Variants in ITGAX observed in about 807,000 individuals in gnomAD.
ITGAX encodes integrin alpha-X.
ITGAX carries 99 observed loss-of-function variants against 140.2 expected under a neutral mutation model. That is an observed-to-expected ratio of 0.71 (90% CI 0.60 to 0.83). The LOEUF (loss-of-function observed/expected upper bound fraction) is 0.83. ITGAX is among the 40% of genes least tolerant of loss of function. ITGAX has a pLI of 0.00. For missense variants in ITGAX, 1,444 were observed against 1,482.0 expected (o/e 0.97, Z 0.42); for synonymous variants, 631 against 600.4 (o/e 1.05, Z -0.75).
chr16:31,357,604 G>C (rs2080778091), intron 5 of ITGAX: 1 of 532,600 alleles, frequency 1.9e-6, no homozygotes, highest in Non-Finnish European at 3.3e-6. Flanking sequence ...TGTTGGATGG[G>C]GATAATAACA....
In ITGAX at chr16:31,376,789, T is replaced by C; in HGVS notation, c.2509-10T>C. On this transcript the variant is annotated splice_polypyrimidine_tract_variant and intron_variant, in intron 20 of 29. Transcript: ENST00000268296. ...TCAACTAATACTCCTCTACTTTTTCTCATGCCTAGAAACAAGGGCAGCTGC... is the reference window on the plus strand; with the variant it reads ...TCAACTAATACTCCTCTACTTTTTCCCATGCCTAGAAACAAGGGCAGCTGC... 2 of 1,613,618 alleles carry C rather than the reference T, an allele frequency of 1.2e-6. No individual in the cohort carries two copies. Among genetic ancestry groups the C allele is most frequent in the Non-Finnish European group, 1.7e-6 (2 of 1,179,562 alleles).
chr16:31,363,724 C>G (rs762994765), intron 14 of ITGAX, among the ~76,000 whole-genome samples: 1 of 152,250 alleles, frequency 6.6e-6, no homozygotes, highest in Non-Finnish European at 1.5e-5. Context: ...GGATTATAGG[C>G]GTGAGCCACC....
chr16:31,360,324 A>G lies in ITGAX; in HGVS notation c.722A>G (p.His241Arg), dbSNP rs773072930. Residue 241 changes from histidine (H) to arginine (R), a missense_variant, in exon 8 of 30, where the codon CAT becomes CGT. By Grantham distance (29) the His-to-Arg change is conservative (BLOSUM62 0). Coordinates refer to ENST00000268296, the MANE Select transcript of ITGAX (RefSeq NM_000887.5). The part of the protein sequence containing the change: ...AIQNVVHRLF[H>R]ASYGARRDAA... ...TTTCCTGATAGGCACCGATTGTTCC[A>G]TGCCTCATATGGGGCCCGTAGGGAT... 8 of 1,612,740 alleles carry G rather than the reference A, an allele frequency of 5.0e-6. No homozygotes were observed. Among genetic ancestry groups the G allele is most frequent in the Non-Finnish European group, 5.9e-6 (7 of 1,179,196 alleles).
At position 31,356,552 on chromosome 16, in the gene ITGAX, G is replaced by A. The variant is rs114590772; in HGVS notation, c.144-73G>A. On this transcript the variant is annotated intron_variant, in intron 2 of 29. Coordinates refer to ENST00000268296, the MANE Select transcript of ITGAX (RefSeq NM_000887.5). Reference sequence around the variant, plus strand: ...GGAAGCTGAGGCTCAGGGAGGGAACGCAAACTTGCCGGAGTGGCAGCTGTG... The same window carrying A: ...GGAAGCTGAGGCTCAGGGAGGGAACACAAACTTGCCGGAGTGGCAGCTGTG... 1.5e-3 allele frequency: 1,548 copies of A among 1,020,406 alleles called. 5 individuals are homozygous for A. Among genetic ancestry groups the A allele is most frequent in the African/African-American group, 0.013 (833 of 63,026 alleles). 63.2% of individuals were successfully genotyped at this position (1,020,406 alleles called of 1,614,324 possible).
chr16:31,365,154 G>A (rs1284834279), intron 14 of ITGAX, among the ~76,000 whole-genome samples: 1 of 152,210 alleles, frequency 6.6e-6, no homozygotes, highest in Non-Finnish European at 1.5e-5. Context: ...AGAACAGACA[G>A]ATCTGTAGAG....
At position 31,382,847 on chromosome 16, in the gene ITGAX, T is replaced by G; in HGVS notation, c.*940T>G. 1 of 260,280 alleles carries G rather than the reference T, an allele frequency of 3.8e-6. No homozygotes were observed. Among genetic ancestry groups the G allele is most frequent in the Non-Finnish European group, 7.3e-6 (1 of 137,752 alleles). 16.1% of individuals were successfully genotyped at this position (260,280 alleles called of 1,614,324 possible). ...CACTTCTATTTTTTGAGGCTATGAA[T>G]ATAGTACCTGAAAAAATGCCAAGAC... On this transcript the variant is annotated 3_prime_UTR_variant, in exon 30 of 30. Coordinates refer to ENST00000268296, the MANE Select transcript of ITGAX (RefSeq NM_000887.5).
chr16:31,357,359 G>A lies in ITGAX; in HGVS notation c.425G>A (p.Arg142Lys). The A allele has an allele frequency of 6.3e-7, 1 of 1,597,234 alleles. No homozygotes were observed. Among genetic ancestry groups the A allele is most frequent in the Admixed American group, 1.7e-5 (1 of 58,374 alleles). ...CTCACCCAGAGGCTCCCGGTGTCCA[G>A]GCAGGGTGAGTGTCGGGACCACCAA... ...TQLTQRLPVS[R>K]QECPRQEQDI... Residue 142 changes from arginine (R) to lysine (K), a missense_variant, in exon 5 of 30, where the codon AGG (arginine) becomes AAG (lysine). Physicochemically the swap from Arg to Lys is conservative, Grantham distance 26. Transcript: ENST00000268296.
Position 31,381,945 on chromosome 16 carries a change from T to C in ITGAX, c.*38T>C. 1 of 1,209,550 alleles carries C rather than the reference T, an allele frequency of 8.3e-7. No individual in the cohort carries two copies. Among genetic ancestry groups the C allele is most frequent in the Non-Finnish European group, 1.2e-6 (1 of 813,092 alleles). The allele number at this position is 1,209,550 out of a possible 1,614,324, so 74.9% of individuals were successfully genotyped here. A position where few individuals can be genotyped will look rare whatever the true frequency, so the allele number is the denominator to read the frequency against. The stretch of plus-strand genomic sequence containing the variant: ...CTTGGACTTCTTCTCCCCCGCGAGT[T>C]TTCCCCACTTACTTACCCTCACCTG... On this transcript the variant is annotated 3_prime_UTR_variant, in exon 30 of 30. Transcript: ENST00000268296.
chr16:31,360,604 T>TG (rs2080813614), intron 8 of ITGAX, 141 bp downstream of exon 8: 1 of 770,250 alleles, frequency 1.3e-6, no homozygotes, highest in African/African-American at 1.8e-5. Flanking sequence ...ACTGCAGCCT[T>TG]GAACTCCTGG....
rs1485837046 is a variant in ITGAX at position 31,362,192 on chromosome 16, G to A, written c.1204G>A (p.Asp402Asn). The A allele has an allele frequency of 6.2e-7, 1 of 1,613,940 alleles. No homozygotes were observed. The highest frequency in any genetic ancestry group is 1.1e-5 in the South Asian group (1 of 91,080). The change falls in exon 11 of 30, where the codon GAC (aspartate) becomes AAC (asparagine). Residue 402 changes from aspartate to asparagine, a missense_variant. Physicochemically the swap from Asp to Asn is conservative, Grantham distance 23. Transcript: ENST00000268296. Reference protein sequence around the residue: ...NMSQENVDMRDSYLGYSTELA... With the variant: ...NMSQENVDMRNSYLGYSTELA... ...GTCTCAGGAGAATGTGGACATGAGG[G>A]ACTCTTACCTGGGTGAGAAACAGCC... is the stretch of plus-strand genomic sequence containing the variant.
Position 31,377,122 on chromosome 16 carries a change from C to T in ITGAX, c.2705+43C>T, listed in dbSNP as rs187683271. The T allele has an allele frequency of 4.1e-4, 665 of 1,611,812 alleles. 2 individuals are homozygous for T. The African/African-American group carries it at 6.2e-3, about 15-fold the overall frequency. Reference sequence around the variant, plus strand: ...AGGGGCAGTGCCCCTCATCTCCAGCCTCACACCCCATTCTCCTCCTCTGGG... The same window carrying T: ...AGGGGCAGTGCCCCTCATCTCCAGCTTCACACCCCATTCTCCTCCTCTGGG... On this transcript the variant is annotated intron_variant, in intron 22 of 29. Coordinates refer to ENST00000268296, the MANE Select transcript of ITGAX (RefSeq NM_000887.5).
Position 31,363,226 on chromosome 16 carries a change from T to C in ITGAX, c.1562T>C (p.Phe521Ser). ...GAGCAGGGCCACCCCTGGGGTCGCT[T>C]TGGGGCGGCTCTGACAGTGCTGGGG... ...YGEQGHPWGR[F>S]GAALTVLGDV... The change falls in exon 14 of 30, where the codon TTT (phenylalanine) becomes TCT (serine). Residue 521 changes from phenylalanine (F) to serine (S), a missense_variant. Phe to Ser is a radical substitution (Grantham distance 155). Coordinates refer to ENST00000268296, the MANE Select transcript of ITGAX (RefSeq NM_000887.5). 4 of 1,613,448 alleles carry C rather than the reference T, an allele frequency of 2.5e-6. No homozygotes were observed. The highest frequency in any genetic ancestry group is 1.1e-5 in the South Asian group (1 of 91,060).
rs757852684 is a variant in ITGAX, at chr16:31,379,783, G to A, written c.2895G>A (p.Leu965=). Residue 965 remains leucine (L), a synonymous_variant, in exon 25 of 30, where the codon CTG becomes CTA. Transcript: ENST00000268296. ...YQVNNLGQRD[L]PVSINFWVPV... Reference sequence around the variant, plus strand: ...TCAATAACCTGGGACAGAGGGACCTGCCTGTCAGCATCAACTTCTGGGTGC... The same window carrying A: ...TCAATAACCTGGGACAGAGGGACCTACCTGTCAGCATCAACTTCTGGGTGC... The A allele has an allele frequency of 6.2e-7, 1 of 1,614,156 alleles. No homozygotes were observed. Among genetic ancestry groups the A allele is most frequent in the Non-Finnish European group, 8.5e-7 (1 of 1,180,014 alleles).
At chr16:31,376,069 A>G (rs1381986946) in intron 20 of ITGAX, among the ~76,000 whole-genome samples, 1 of 152,208 alleles carries the variant, frequency 6.6e-6, no homozygotes. Flanking sequence ...TCTAGATGAA[A>G]CAATATGGTG....
rs1265554698 is a variant in ITGAX at position 31,380,280 on chromosome 16, T to C, written c.3075T>C (p.Ala1025=). 1 of 1,614,064 alleles carries C rather than the reference T, an allele frequency of 6.2e-7. No homozygotes were observed. The highest frequency in any genetic ancestry group is 8.5e-7 in the Non-Finnish European group (1 of 1,180,030). Residue 1025 remains alanine, a synonymous_variant, in exon 27 of 30, where the codon GCT becomes GCC. Transcript: ENST00000268296. ...QKNPVLDCSI[A]GCLRFRCDVP... is the part of the protein sequence containing the mutation. ...TCTGCCCCCAGGACTGCTCCATTGC[T>C]GGCTGCCTGCGGTTCCGCTGTGACG...
Position 31,359,824 on chromosome 16 carries a change from C to A in ITGAX, c.555C>A (p.Ser185Arg). ...RAVISQFQRP[S>R]TQFSLMQFSN... ...TGATAAGCCAGTTCCAGAGACCCAG[C>A]ACCCAGGTGTGCCTTTGGGGGAGGG... The change falls in exon 6 of 30, where the codon AGC (serine) becomes AGA (arginine). Residue 185 changes from serine (S) to arginine (R), a missense_variant. Transcript: ENST00000268296. 1 of 1,614,182 alleles carries A rather than the reference C, an allele frequency of 6.2e-7. No individual in the cohort carries two copies. Among genetic ancestry groups the A allele is most frequent in the East Asian group, 2.2e-5 (1 of 44,888 alleles).
chr16:31,367,156 A>C (rs1224735083), intron 14 of ITGAX, among the ~76,000 whole-genome samples: 1 of 152,206 alleles, frequency 6.6e-6, no homozygotes, highest in Non-Finnish European at 1.5e-5. Flanking sequence ...CAGAAGAAAA[A>C]TTGGAAGTCA....
At chr16:31,370,412 G>A (rs912583268) in intron 14 of ITGAX, among the ~76,000 whole-genome samples, 5 of 152,026 alleles carry the variant, frequency 3.3e-5, no homozygotes, top group Non-Finnish European at 7.4e-5. Flanking sequence ...GTGTGGGTGC[G>A]ACCACTCCCT....
Position 31,371,737 on chromosome 16 carries a change from G to A in ITGAX, c.2113G>A (p.Val705Ile), listed in dbSNP as rs2080964336. 1 of 1,614,144 alleles carries A rather than the reference G, an allele frequency of 6.2e-7. No individual in the cohort carries two copies. Among genetic ancestry groups the A allele is most frequent in the Admixed American group, 1.7e-5 (1 of 60,026 alleles). The change falls in exon 17 of 30, where the codon GTC (valine) becomes ATC (isoleucine). Residue 705 changes from valine to isoleucine, a missense_variant. By Grantham distance (29) the Val-to-Ile change is conservative (BLOSUM62 3). Coordinates refer to ENST00000268296, the MANE Select transcript of ITGAX (RefSeq NM_000887.5). The part of the protein sequence containing the change: ...TKNRSLSRVR[V>I]LGLKAHCENF... ...GAACCGGAGTCTGAGCCGAGTCCGA[G>A]TCCTCGGGCTGAAGGCACACTGTGA...
Sources: gnomAD v4.1 joint callset for allele counts (sites outside exome capture counted in the v4.1 genomes callset) on GRCh38, gnomAD v4.1.1 for gene constraint, MANE v1.5 for transcripts, NCBI Gene and HGNC (gene_info 2026-07-23, HGNC 2026-07-21) for gene names.